ADGRL2: variants seen among roughly 807,000 people sequenced by gnomAD.
The protein encoded by ADGRL2 is adhesion G protein-coupled receptor L2, also known as calcium-independent alpha-latrotoxin receptor 2.
ADGRL2 carries 44 observed loss-of-function variants against 157.4 expected under a neutral mutation model. That is an observed-to-expected ratio of 0.28 (90% CI 0.22 to 0.36). The LOEUF (loss-of-function observed/expected upper bound fraction) is 0.36, where lower values mean the gene tolerates loss of function less well. Ranked by LOEUF, ADGRL2 falls within the 10% of genes least tolerant of loss-of-function variation. The pLI is 1.00. For synonymous variants in ADGRL2, 585 were observed against 624.7 expected, an observed-to-expected ratio of 0.94 and a Z score of 0.95; for missense variants, 1,510 against 1,768.9, an observed-to-expected ratio of 0.85 and a Z score of 2.63.
In ADGRL2 at chr1:81,990,630, C is replaced by T. The variant is rs755347765; in HGVS notation, c.3895C>T (p.Pro1299Ser). 191 of 1,614,032 alleles carry T rather than the reference C, an allele frequency of 1.2e-4. No homozygotes were observed. The highest frequency in any genetic ancestry group is 1.6e-4 in the Non-Finnish European group (184 of 1,180,044). The change falls in exon 24 of 24, where the codon CCT (proline) becomes TCT (serine). Residue 1299 changes from proline to serine, a missense_variant. By Grantham distance (74) the Pro-to-Ser change is moderately conservative. Coordinates refer to ENST00000686636, the MANE Select transcript of ADGRL2 (RefSeq NM_001366006.2). ...CCTCGAGCTCACGCTACCAGTCAAACCTGTGATTGGAGGTAGCAGCAGTGA... is the reference window on the plus strand; with the variant it reads ...CCTCGAGCTCACGCTACCAGTCAAATCTGTGATTGGAGGTAGCAGCAGTGA... ...HNLELTLPVK[P>S]VIGGSSSEDD...
intron 2 of ADGRL2, among the ~76,000 whole-genome samples, chr1:81,524,531 T>C (rs987058979): frequency 4.6e-5 from 7 of 151,982 alleles, no homozygotes; most frequent in Admixed American, 1.3e-4. Flanking sequence ...AAGCAAAAGA[T>C]AGGAAAGAAC....
At chr1:81,623,773 A>G (rs2148720699) in intron 3 of ADGRL2, among the ~76,000 whole-genome samples, 1 of 150,936 alleles carries the variant, frequency 6.6e-6, no homozygotes, top group East Asian at 2.0e-4. Flanking sequence ...AGTAGCTGGG[A>G]TTACAGGCGT....
At chr1:81,745,063 C>T (rs1319690755) in intron 1 of ADGRL2, among the ~76,000 whole-genome samples, 3 of 152,128 alleles carry the variant, frequency 2.0e-5, no homozygotes, top group Non-Finnish European at 4.4e-5. Flanking sequence ...GTCACCCAGT[C>T]ATTTCAGAGG....
At chr1:81,393,425 A>G (rs1314703925) in intron 1 of ADGRL2, among the ~76,000 whole-genome samples, 1 of 152,058 alleles carries the variant, frequency 6.6e-6, no homozygotes, top group East Asian at 1.9e-4. Context: ...TTTATAAAGT[A>G]AAACACCAAT....
At chr1:81,785,105 AC>A (rs2086982242) in intron 2 of ADGRL2, among the ~76,000 whole-genome samples, 2 of 152,188 alleles carry the variant, frequency 1.3e-5, no homozygotes, top group African/African-American at 4.8e-5. Flanking sequence ...TCCAGGTTGT[AC>A]AGGGAATTAT....
rs147061399 is a variant in ADGRL2 at position 81,551,547 on chromosome 1, A to G, written c.-247-29329A>G. 2.0e-4 allele frequency among the ~76,000 whole-genome samples: 30 copies of G among 152,322 alleles called. No individual in the cohort carries two copies. In the East Asian group the frequency reaches 5.8e-3, roughly 29 times the overall value. On this transcript the variant is annotated intron_variant, in intron 2 of 24. Coordinates refer to the ADGRL2 transcript ENST00000370721. ...TGCTATTACATTGACATATTTCCTC[A>G]TTTCATCTATTAAATCTTCCATTTT...
At chr1:81,340,799 G>T (rs1189253513) in intron 1 of ADGRL2, among the ~76,000 whole-genome samples, 2 of 151,852 alleles carry the variant, frequency 1.3e-5, no homozygotes, top group African/African-American at 4.8e-5. Flanking sequence ...AGTCTATACA[G>T]AACTTCCTTC....
chr1:81,420,519 C>A (rs964693398), intron 1 of ADGRL2, among the ~76,000 whole-genome samples: 3 of 152,204 alleles, frequency 2.0e-5, no homozygotes, highest in African/African-American at 7.2e-5. Flanking sequence ...TTCAGCTCAG[C>A]ATGATTTTTC....
chr1:81,529,811 A>T (rs902845598), intron 2 of ADGRL2, among the ~76,000 whole-genome samples: 6 of 152,238 alleles, frequency 3.9e-5, no homozygotes, highest in African/African-American at 1.2e-4. Context: ...AAATCCCAGC[A>T]GTCTAAAGCC....
intron 3 of ADGRL2, among the ~76,000 whole-genome samples, chr1:81,692,467 A>C (rs2083362298): frequency 6.6e-6 from 1 of 152,172 alleles, no homozygotes; most frequent in African/African-American, 2.4e-5. Flanking sequence ...AATTCCTTTG[A>C]TATTAGGCCA....
chr1:81,451,964 T>C, intron 2 of ADGRL2, among the ~76,000 whole-genome samples: 1 of 152,342 alleles, frequency 6.6e-6, no homozygotes, highest in South Asian at 2.1e-4. Context: ...TAATGTAGTG[T>C]ACAACTTCTG....
chr1:81,526,132 T>G (rs1311895268), intron 2 of ADGRL2, among the ~76,000 whole-genome samples: 1 of 152,208 alleles, frequency 6.6e-6, no homozygotes. Context: ...GAAGTAAAAT[T>G]AAGCAGATTT....
At chr1:81,310,852 A>G (rs1233841739) in intron 1 of ADGRL2, among the ~76,000 whole-genome samples, 1 of 147,970 alleles carries the variant, frequency 6.8e-6, no homozygotes, top group Non-Finnish European at 1.5e-5. Context: ...CTTGAAAGAA[A>G]AAAAAAAAAA....
chr1:81,965,180 T>A (rs951256851), intron 11 of ADGRL2, among the ~76,000 whole-genome samples: 28 of 152,180 alleles, frequency 1.8e-4, no homozygotes, highest in Non-Finnish European at 2.6e-4. Context: ...TGGTTTAGAT[T>A]GCAGTGGTTG....
At chr1:81,800,219 T>G (rs186774832), upstream of ADGRL2, among the ~76,000 whole-genome samples, 185 of 152,258 alleles carry the variant, frequency 1.2e-3, 2 homozygotes, top group African/African-American at 4.3e-3. Flanking sequence ...AAAACGCTCT[T>G]GTGAAATATA....
At chr1:81,394,697 T>C (rs534599556) in intron 1 of ADGRL2, among the ~76,000 whole-genome samples, 38 of 152,262 alleles carry the variant, frequency 2.5e-4, no homozygotes, top group Non-Finnish European at 4.9e-4. Context: ...CTCACCAATA[T>C]ACTGATTTCC....
chr1:81,867,751 A>T (rs1399361298), intron 2 of ADGRL2, among the ~76,000 whole-genome samples: 1 of 152,196 alleles, frequency 6.6e-6, no homozygotes. Context: ...ATTCAAAAAA[A>T]TTTTAATTCA....
chr1:81,665,079 T>C (rs1180228632), intron 3 of ADGRL2, among the ~76,000 whole-genome samples: 1 of 152,154 alleles, frequency 6.6e-6, no homozygotes, highest in Non-Finnish European at 1.5e-5. Context: ...AAGAAAGTTC[T>C]GATCAAGGCA....
intron 1 of ADGRL2, among the ~76,000 whole-genome samples, chr1:81,347,325 C>T (rs768172038): frequency 3.3e-5 from 5 of 151,830 alleles, no homozygotes; most frequent in South Asian, 2.1e-4. Context: ...CGCTTGAACC[C>T]GGGAAGCAGA....
Sources: allele counts gnomAD v4.1 joint callset (sites outside exome capture counted in the v4.1 genomes callset), GRCh38; gene constraint gnomAD v4.1.1; transcripts MANE v1.5; gene names NCBI Gene and HGNC (gene_info 2026-07-23, HGNC 2026-07-21).